Variants in SND1 observed in about 807,000 individuals in gnomAD.
SND1 encodes the protein staphylococcal nuclease and tudor domain containing 1, also known as staphylococcal nuclease domain-containing protein 1.
Under a neutral mutation model 121.7 loss-of-function variants are expected in SND1, and 38 were observed. The observed-to-expected ratio is 0.31, with a 90% CI of 0.24 to 0.41. The LOEUF (loss-of-function observed/expected upper bound fraction) is 0.41, where lower values mean the gene tolerates loss of function less well. Among genes scored for constraint, SND1 ranks in the 10% least tolerant of loss-of-function variants. The pLI is 1.00. For synonymous variants in SND1, 401 were observed against 447.4 expected, an observed-to-expected ratio of 0.90 and a Z score of 1.31; for missense variants, 868 against 1,184.6, an observed-to-expected ratio of 0.73 and a Z score of 3.92.
At chr7:127,783,133 A>T (rs981319987) in intron 10 of SND1, among the ~76,000 whole-genome samples, 9 of 152,208 alleles carry the variant, frequency 5.9e-5, no homozygotes, top group Admixed American at 2.6e-4. Context: ...GGATTGCATG[A>T]GTCACCTTCT....
intron 12 of SND1, among the ~76,000 whole-genome samples, chr7:127,845,665 C>G (rs1317531035): frequency 6.6e-6 from 1 of 152,186 alleles, no homozygotes; most frequent in Non-Finnish European, 1.5e-5. Flanking sequence ...AATATTTTTA[C>G]TGCCACAGAA....
intron 11 of SND1, among the ~76,000 whole-genome samples, chr7:127,833,986 T>C (rs1409134477): frequency 6.6e-6 from 1 of 152,166 alleles, no homozygotes; most frequent in East Asian, 1.9e-4. Context: ...TTTTTGTGAC[T>C]GACTTCCTTC....
chr7:128,028,089 T>TA (rs1383454187), intron 16 of SND1: 1 of 152,722 alleles, frequency 6.5e-6, no homozygotes, highest in African/African-American at 2.4e-5. Context: ...TTTTCCTGCT[T>TA]AAAATACATG....
intron 12 of SND1, among the ~76,000 whole-genome samples, chr7:127,882,022 G>T (rs1435249040): frequency 6.6e-6 from 1 of 152,088 alleles, no homozygotes; most frequent in Non-Finnish European, 1.5e-5. Flanking sequence ...GGAGGCCAAG[G>T]TGAGAGGATC....
At chr7:127,891,931 C>T (rs1800015711) in intron 13 of SND1, among the ~76,000 whole-genome samples, 1 of 152,094 alleles carries the variant, frequency 6.6e-6, no homozygotes, top group African/African-American at 2.4e-5. Context: ...ATCAGTCATT[C>T]GTTCTGACAC....
intron 11 of SND1, among the ~76,000 whole-genome samples, chr7:127,817,721 C>CG (rs1798470044): frequency 9.6e-6 from 1 of 104,074 alleles, no homozygotes; most frequent in Non-Finnish European, 1.9e-5. Flanking sequence ...TTCCTTCATA[C>CG]TTTTTTTTTT....
At chr7:127,783,719 T>G (rs973674686) in intron 10 of SND1, among the ~76,000 whole-genome samples, 3 of 152,188 alleles carry the variant, frequency 2.0e-5, no homozygotes, top group Non-Finnish European at 4.4e-5. Context: ...AAAAAAAAAT[T>G]CTCTTTAATC....
At chr7:127,800,064 C>T (rs138324867) in intron 10 of SND1, among the ~76,000 whole-genome samples, 1 of 152,322 alleles carries the variant, frequency 6.6e-6, no homozygotes, top group African/African-American at 2.4e-5. Flanking sequence ...TGTGTTCTGT[C>T]TCCTGGATGC....
chr7:127,777,728 A>C (rs915356431), intron 10 of SND1, among the ~76,000 whole-genome samples: 9 of 152,174 alleles, frequency 5.9e-5, no homozygotes, highest in Non-Finnish European at 1.2e-4. Context: ...TTGATTGAGA[A>C]GGGGGTCTCC....
chr7:127,985,027 A>G (rs1449015650), intron 15 of SND1, among the ~76,000 whole-genome samples: 1 of 152,186 alleles, frequency 6.6e-6, no homozygotes, highest in Admixed American at 6.5e-5. Context: ...TTCTATTTGA[A>G]TAGAGCTGTT....
chr7:127,845,034 C>T (rs1799034111), intron 12 of SND1, among the ~76,000 whole-genome samples: 1 of 152,202 alleles, frequency 6.6e-6, no homozygotes, highest in South Asian at 2.1e-4. Context: ...TCTTACTTTG[C>T]ATAAAATATA....
intron 16 of SND1, among the ~76,000 whole-genome samples, chr7:128,072,655 AC>A (rs1793432033): frequency 6.6e-6 from 1 of 151,724 alleles, no homozygotes; most frequent in South Asian, 2.1e-4. Flanking sequence ...GGTCTTGTCC[AC>A]CCCTACCACA....
intron 15 of SND1, among the ~76,000 whole-genome samples, chr7:127,944,932 C>T (rs1241197874): frequency 2.6e-5 from 4 of 152,316 alleles, no homozygotes; most frequent in Non-Finnish European, 4.4e-5. Context: ...ACAGTGCCAT[C>T]TTCCTAGAGA....
intron 10 of SND1, among the ~76,000 whole-genome samples, chr7:127,792,887 A>G (rs533376745): frequency 1.3e-5 from 2 of 152,358 alleles, no homozygotes; most frequent in African/African-American, 4.8e-5. Context: ...TGGCAGGAAT[A>G]GGAAAGATCT....
At chr7:127,781,474 T>C (rs1228020778) in intron 10 of SND1, among the ~76,000 whole-genome samples, 2 of 152,200 alleles carry the variant, frequency 1.3e-5, no homozygotes, top group Non-Finnish European at 2.9e-5. Context: ...TATTGACTTT[T>C]CTTTATAATT....
chr7:127,699,068 T>C, intron 4 of SND1, 115 bp downstream of exon 4: 1 of 770,362 alleles, frequency 1.3e-6, no homozygotes, highest in South Asian at 1.5e-5. Context: ...TTCGCGGACA[T>C]TCTTGCCCAG....
At chr7:127,919,072 A>C (rs1800645823) in intron 14 of SND1, among the ~76,000 whole-genome samples, 1 of 152,244 alleles carries the variant, frequency 6.6e-6, no homozygotes, top group Admixed American at 6.5e-5. Context: ...GGCTTTTAAA[A>C]GACTAATTAG....
intron 15 of SND1, among the ~76,000 whole-genome samples, chr7:127,977,307 A>G (rs2116895548): frequency 6.6e-6 from 1 of 152,358 alleles, no homozygotes; most frequent in Admixed American, 6.5e-5. Context: ...ACGTCTCATG[A>G]GGACCTTAGA....
intron 11 of SND1, among the ~76,000 whole-genome samples, chr7:127,819,024 A>G (rs1306004177): frequency 2.0e-5 from 3 of 152,180 alleles, no homozygotes; most frequent in East Asian, 3.9e-4. Flanking sequence ...CATTTATGAC[A>G]CCTCCATTTC....
Sources: gnomAD v4.1 joint callset for allele counts (sites outside exome capture counted in the v4.1 genomes callset) on GRCh38, gnomAD v4.1.1 for gene constraint, MANE v1.5 for transcripts, NCBI Gene and HGNC (gene_info 2026-07-23, HGNC 2026-07-21) for gene names.